Variants in MEAK7 observed in about 807,000 individuals in gnomAD.
The protein encoded by MEAK7 is MTOR-associated protein MEAK7.
A neutral mutation model predicts 40.5 loss-of-function variants in MEAK7; 68 were observed. The ratio of observed to expected loss-of-function variants is 1.68; its 90% CI spans 1.38 to 2.06. The LOEUF (loss-of-function observed/expected upper bound fraction) is 2.06, where lower values mean the gene tolerates loss of function less well. Ranked by LOEUF, MEAK7 falls within the 30% of genes most tolerant of loss-of-function variation. The pLI, the probability that MEAK7 is intolerant of heterozygous loss-of-function variation, is 0.00. For synonymous variants in MEAK7, 338 were observed against 231.9 expected (o/e 1.46, Z -4.16); for missense variants, 918 against 580.5 (o/e 1.58, Z -5.98).
intron 5 of MEAK7, among the ~76,000 whole-genome samples, chr16:84,485,813 C>G (rs1913001362): frequency 6.6e-6 from 1 of 152,190 alleles, no homozygotes; most frequent in Admixed American, 6.5e-5. Flanking sequence ...TCCCACGTAG[C>G]TGGGATTACA....
In MEAK7 at chr16:84,504,011, T is replaced by C. The variant is rs552329554; in HGVS notation, c.-26+590A>G. 23 of 985,528 alleles carry C rather than the reference T, an allele frequency of 2.3e-5. No homozygotes were observed. The African/African-American group carries it at 3.7e-4, about 16-fold the overall frequency. 61.0% of individuals were successfully genotyped at this position (985,528 alleles called of 1,614,324 possible). A position where few individuals can be genotyped will look rare whatever the true frequency, so the allele number is the denominator to read the frequency against. ...CTCATCTGGACAGGCTTCGAAGTCC[T>C]GTCTGTGTCTCAGAGCCCAGAGGCC... On this transcript the variant is annotated intron_variant, in intron 1 of 7. Coordinates refer to ENST00000343629, the MANE Select transcript of MEAK7 (RefSeq NM_020947.4).
intron 6 of MEAK7, 114 bp from the exon 7 acceptor site, chr16:84,480,822 G>A: frequency 1.7e-6 from 2 of 1,181,234 alleles, no homozygotes; most frequent in Non-Finnish European, 2.3e-6. Flanking sequence ...AGGGGCGGGT[G>A]AGTGGTGAAT....
At chr16:84,495,526 G>A (rs1597959683) in intron 3 of MEAK7, 157 bp downstream of exon 3, 1 of 672,314 alleles carries the variant, frequency 1.5e-6, no homozygotes, top group Non-Finnish European at 2.5e-6. Context: ...TCCCAGACAT[G>A]CCCTTAACCT....
rs1391862786 is a variant in MEAK7, at chr16:84,478,894, C to T, written c.*1019G>A. 2 of 152,224 alleles carry T rather than the reference C, an allele frequency of 1.3e-5. No individual in the cohort carries two copies. The highest frequency in any genetic ancestry group is 3.9e-4 in the East Asian group (2 of 5,192). 9.4% of individuals were successfully genotyped at this position (152,224 alleles called of 1,614,324 possible). A position where few individuals can be genotyped will look rare whatever the true frequency, so the allele number is the denominator to read the frequency against. Reference sequence around the variant, plus strand: ...GGTTCCCAGAGGTCTAGAACCCAGGCCAGTCACTCACCACTGATTTATGGA... The same window carrying T: ...GGTTCCCAGAGGTCTAGAACCCAGGTCAGTCACTCACCACTGATTTATGGA... On this transcript the variant is annotated 3_prime_UTR_variant, in exon 8 of 8. Transcript: ENST00000343629.
At chr16:84,483,480 G>A (rs1912757047) in intron 5 of MEAK7, among the ~76,000 whole-genome samples, 1 of 152,264 alleles carries the variant, frequency 6.6e-6, no homozygotes, top group East Asian at 1.9e-4. Flanking sequence ...CAAGCTGGAA[G>A]GCTGCAGAGA....
chr16:84,482,550 G>T lies in MEAK7; in HGVS notation c.1077+42C>A, dbSNP rs987892599. The T allele has an allele frequency of 5.0e-6, 8 of 1,613,614 alleles. 1 individual carries two copies. Among genetic ancestry groups the T allele is most frequent in the Non-Finnish European group, 6.8e-6 (8 of 1,179,688 alleles). ...CTCGGGGTTGACACCTTTGCTGGGG[G>T]ACATCACCAAGGCAAGACCACCACG... On this transcript the variant is annotated intron_variant, in intron 6 of 7. Coordinates refer to ENST00000343629, the MANE Select transcript of MEAK7 (RefSeq NM_020947.4).
chr16:84,480,420 G>T, intron 7 of MEAK7, 109 bp downstream of exon 7: 1 of 1,295,832 alleles, frequency 7.7e-7, no homozygotes, highest in Non-Finnish European at 1.0e-6. Context: ...GATCAAATTT[G>T]GGATAAACTA....
Position 84,489,298 on chromosome 16 carries a change from AGC to A in MEAK7, c.507_508del (p.Ser171Ter), listed in dbSNP as rs768060959. On this transcript the variant is annotated frameshift_variant, in exon 4 of 8. Transcript: ENST00000343629. LOFTEE classifies it high-confidence loss of function. ...CTTGCCTTGCAGCTTCATGTCAGAG[AGC>A]AGCTGAGCAGCCAGCACCTGCACCC... is the stretch of plus-strand genomic sequence containing the variant. 1 of 1,614,022 alleles carries A rather than the reference AGC, an allele frequency of 6.2e-7. No individual in the cohort carries two copies. The highest frequency in any genetic ancestry group is 2.2e-5 in the East Asian group (1 of 44,850).
Position 84,478,434 on chromosome 16 carries a change from A to T in MEAK7, c.*1479T>A, listed in dbSNP as rs1912224796. The T allele has an allele frequency of 6.6e-6, 1 of 152,256 alleles. No individual in the cohort carries two copies. The highest frequency in any genetic ancestry group is 1.5e-5 in the Non-Finnish European group (1 of 68,052). 9.4% of individuals were successfully genotyped at this position (152,256 alleles called of 1,614,324 possible). On this transcript the variant is annotated 3_prime_UTR_variant, in exon 8 of 8. Transcript: ENST00000343629. The stretch of plus-strand genomic sequence containing the variant: ...CAGTAGAAAATGCAAGGCCTGCAAA[A>T]ATGCGAACAGCTCGATTTACTATGG...
In MEAK7 at chr16:84,497,862, T is replaced by C. The variant is rs182128140; in HGVS notation, c.153+72A>G. 3 of 1,596,962 alleles carry C rather than the reference T, an allele frequency of 1.9e-6. No individual in the cohort carries two copies. In the Admixed American group the frequency reaches 5.1e-5, roughly 27 times the overall value. On this transcript the variant is annotated intron_variant, in intron 2 of 7. Coordinates refer to ENST00000343629, the MANE Select transcript of MEAK7 (RefSeq NM_020947.4). ...CCCATTACAAAAACACGAAAGCAGA[T>C]TCTGGCCTGAAAGCCACAGTTTGCA... is the stretch of plus-strand genomic sequence containing the variant.
intron 6 of MEAK7, 140 bp downstream of exon 6, chr16:84,482,452 A>C: frequency 7.1e-7 from 1 of 1,405,854 alleles, no homozygotes; most frequent in Non-Finnish European, 9.7e-7. Context: ...GGCCCTGGAA[A>C]CAGAAGGAAC....
In MEAK7 at chr16:84,479,516, G is replaced by GAATTCCCTAATGCCAGCA. The variant is rs1567482876; in HGVS notation, c.*396_*397insTGCTGGCATTAGGGAATT. 3 of 141,862 alleles carry GAATTCCCTAATGCCAGCA rather than the reference G, an allele frequency of 2.1e-5. 1 individual carries two copies. The highest frequency in any genetic ancestry group is 9.0e-5 in the African/African-American group (3 of 33,258). The allele number at this position is 141,862 out of a possible 1,614,324, so 8.8% of individuals were successfully genotyped here. On this transcript the variant is annotated 3_prime_UTR_variant, in exon 8 of 8. Coordinates refer to ENST00000343629, the MANE Select transcript of MEAK7 (RefSeq NM_020947.4). Reference sequence around the variant, plus strand: ...GCCAGCGGAATTCCCTAATGCCAGCGGAATTCCCTAATGCCAGCGGAATTC... The same window carrying GAATTCCCTAATGCCAGCA: ...GCCAGCGGAATTCCCTAATGCCAGCGAATTCCCTAATGCCAGCAGAATTCCCTAATGCCAGCGGAATTC...
In MEAK7 at chr16:84,490,692, G is replaced by GTGTT. The variant is rs1188978007; in HGVS notation, c.385-1271_385-1270insAACA. Among the ~76,000 whole-genome samples, 4 of 148,738 alleles carry GTGTT rather than the reference G, an allele frequency of 2.7e-5. No homozygotes were observed. The Admixed American group carries it at 2.7e-4, about 10-fold the overall frequency. ...TGTGTGTGTGTGTGTGTGTGTGTGT[G>GTGTT]TGTATTTAAAGGGACATAATGCCTT... On this transcript the variant is annotated intron_variant, in intron 3 of 7. Coordinates refer to ENST00000343629, the MANE Select transcript of MEAK7 (RefSeq NM_020947.4).
At position 84,504,626 on chromosome 16, in the gene MEAK7, G is replaced by C. The variant is rs79371595; in HGVS notation, c.-51C>G. ...CCTGCCGGGCTTCCTGGTGCTGTCC[G>C]GTCCGGTCCAGCAGCCCACGGGCTC... On this transcript the variant is annotated 5_prime_UTR_variant, in exon 1 of 8. Coordinates refer to ENST00000343629, the MANE Select transcript of MEAK7 (RefSeq NM_020947.4). 2.9e-3 allele frequency: 2,866 copies of C among 985,628 alleles called. 63 individuals carry two copies. In the African/African-American group the frequency reaches 0.046, roughly 16 times the overall value. 61.1% of individuals were successfully genotyped at this position (985,628 alleles called of 1,614,324 possible).
Position 84,486,640 on chromosome 16 carries a change from G to T in MEAK7, c.949C>A (p.Gln317Lys), listed in dbSNP as rs976254269. 1.2e-6 allele frequency: 2 copies of T among 1,604,984 alleles called. No homozygotes were observed. The highest frequency in any genetic ancestry group is 2.7e-5 in the African/African-American group (2 of 74,696). ...FASCSWEVKP[Q>K]FQGDNRCFLF... ...GGACACCAAGTCTTACCTTGAAACT[G>T]AGGCTTCACCTCCCAAGAGCAAGAG... Residue 317 changes from glutamine to lysine, a missense_variant, in exon 5 of 8, where the codon CAG becomes AAG. By Grantham distance (53) the Gln-to-Lys change is moderately conservative. Coordinates refer to ENST00000343629, the MANE Select transcript of MEAK7 (RefSeq NM_020947.4).
intron 3 of MEAK7, among the ~76,000 whole-genome samples, chr16:84,495,060 G>A (rs1477018875): frequency 6.6e-6 from 1 of 152,148 alleles, no homozygotes; most frequent in African/African-American, 2.4e-5. Flanking sequence ...CCTAAGCTCA[G>A]GAGTTGGAGA....
rs1913821257 is a variant in MEAK7 at position 84,493,778 on chromosome 16, T to C, written c.384+1905A>G. ...AACACTGGTTATTTCATGAAGGCTT[T>C]GACTGGAACAGCATTTTCAGATTAC... On this transcript the variant is annotated intron_variant, in intron 3 of 7. Transcript: ENST00000343629. Among the ~76,000 whole-genome samples the C allele has an allele frequency of 2.0e-5, 3 of 152,216 alleles. No homozygotes were observed. In the South Asian group the frequency reaches 6.2e-4, roughly 32 times the overall value.
In MEAK7 at chr16:84,485,532, C is replaced by A. The variant is rs549561068; in HGVS notation, c.958+1099G>T. The stretch of plus-strand genomic sequence containing the variant: ...GGTGCGGGGTAAGATACAGGATGTA[C>A]CGGGGAATGCCAAAGGCAAACCCTG... On this transcript the variant is annotated intron_variant, in intron 5 of 7. Transcript: ENST00000343629. 2.6e-5 allele frequency among the ~76,000 whole-genome samples: 4 copies of A among 152,290 alleles called. No individual in the cohort carries two copies. In the South Asian group the frequency reaches 8.3e-4, roughly 32 times the overall value.
At chr16:84,501,303 G>A (rs1442510458) in intron 1 of MEAK7, among the ~76,000 whole-genome samples, 1 of 152,068 alleles carries the variant, frequency 6.6e-6, no homozygotes, top group Non-Finnish European at 1.5e-5. Flanking sequence ...GTTGGGATCA[G>A]CGAGGCAAGG....
Sources: allele counts gnomAD v4.1 joint callset (sites outside exome capture counted in the v4.1 genomes callset), GRCh38; gene constraint gnomAD v4.1.1; transcripts MANE v1.5; gene names NCBI Gene and HGNC (gene_info 2026-07-23, HGNC 2026-07-21).